Variants in ANO3 observed in about 807,000 individuals in gnomAD.
The protein encoded by ANO3 is anoctamin-3.
In ANO3, 99 loss-of-function variants were observed where a neutral mutation model predicts 144.8. The ratio of observed to expected loss-of-function variants is 0.68; its 90% CI spans 0.58 to 0.81. The LOEUF (loss-of-function observed/expected upper bound fraction) is 0.81. Among genes scored for constraint, ANO3 ranks in the 30% least tolerant of loss-of-function variants. The pLI is 0.00. For missense variants in ANO3, 905 were observed against 1,202.2 expected, an observed-to-expected ratio of 0.75 and a Z score of 3.66; for synonymous variants, 414 against 392.6, an observed-to-expected ratio of 1.05 and a Z score of -0.64.
intron 6 of ANO3, among the ~76,000 whole-genome samples, chr11:26,521,703 C>T (rs558617907): frequency 2.0e-5 from 3 of 152,068 alleles, no homozygotes; most frequent in Non-Finnish European, 4.4e-5. Context: ...ATTTTTCTTG[C>T]GATCCAAAGC....
intron 6 of ANO3, among the ~76,000 whole-genome samples, chr11:26,523,016 G>A (rs1862145847): frequency 6.6e-6 from 1 of 152,098 alleles, no homozygotes; most frequent in African/African-American, 2.4e-5. Flanking sequence ...TGGTTTAATT[G>A]ACTCACAATT....
At chr11:26,381,468 C>T (rs12791416) in intron 1 of ANO3, among the ~76,000 whole-genome samples, 17,411 of 152,148 alleles carry the variant, frequency 0.11, 1,205 homozygotes, top group Admixed American at 0.18. Flanking sequence ...ACTTTCTAAA[C>T]AGCATTTACA....
At chr11:26,385,328 G>T (rs2133955041) in intron 1 of ANO3, among the ~76,000 whole-genome samples, 1 of 152,242 alleles carries the variant, frequency 6.6e-6, no homozygotes, top group Middle Eastern at 3.4e-3. Context: ...GCTTTATATT[G>T]CTGCTACAAA....
chr11:26,275,485 T>C (rs982205676), intron 1 of ANO3, among the ~76,000 whole-genome samples: 2 of 152,130 alleles, frequency 1.3e-5, no homozygotes, highest in Admixed American at 6.6e-5. Context: ...CTGAAGCCCA[T>C]AGTTTATAAA....
intron 1 of ANO3, among the ~76,000 whole-genome samples, chr11:26,371,209 G>A (rs1049769696): frequency 1.3e-5 from 2 of 152,166 alleles, no homozygotes; most frequent in African/African-American, 4.8e-5. Flanking sequence ...GGGTAAAAGG[G>A]GCCAAGGTAC....
At position 26,413,307 on chromosome 11, in the gene ANO3, CT is replaced by C. The variant is rs913029018; in HGVS notation, c.47-28601del. Among the ~76,000 whole-genome samples the C allele has an allele frequency of 3.8e-3, 557 of 147,780 alleles. 4 individuals carry two copies. Among genetic ancestry groups the C allele is most frequent in the African/African-American group, 9.3e-3 (378 of 40,500 alleles). ...AGGTGCTTCACTAAAGACATTACTT[CT>C]TTTTTTTTTACTGCAGATAATAATT... is the stretch of plus-strand genomic sequence containing the variant. On this transcript the variant is annotated intron_variant, in intron 1 of 26. Coordinates refer to ENST00000256737, the MANE Select transcript of ANO3 (RefSeq NM_031418.4).
chr11:26,551,578 C>T (rs1206212465), intron 12 of ANO3, among the ~76,000 whole-genome samples: 1 of 151,938 alleles, frequency 6.6e-6, no homozygotes, highest in African/African-American at 2.4e-5. Flanking sequence ...TTCAATAAAT[C>T]TGAGCTTTTG....
At chr11:26,514,798 G>A (rs953834210) in intron 5 of ANO3, among the ~76,000 whole-genome samples, 2 of 152,044 alleles carry the variant, frequency 1.3e-5, no homozygotes, top group African/African-American at 2.4e-5. Context: ...CCTGGATGAA[G>A]GAGTCATTCA....
chr11:26,426,709 C>T (rs1390092353), intron 1 of ANO3, among the ~76,000 whole-genome samples: 1 of 152,134 alleles, frequency 6.6e-6, no homozygotes, highest in African/African-American at 2.4e-5. Flanking sequence ...ACTGCCACCA[C>T]ACATGTAGTA....
chr11:26,205,379 G>A (rs1170230800), intron 1 of ANO3, among the ~76,000 whole-genome samples: 1 of 152,152 alleles, frequency 6.6e-6, no homozygotes, highest in African/African-American at 2.4e-5. Context: ...TACAAATGTG[G>A]AAATTGATGC....
At chr11:26,518,749 A>T (rs1861954562) in intron 6 of ANO3, among the ~76,000 whole-genome samples, 1 of 151,914 alleles carries the variant, frequency 6.6e-6, no homozygotes, top group Non-Finnish European at 1.5e-5. Context: ...ATTTTGGGGG[A>T]ATATTAAATA....
At chr11:26,451,556 C>A (rs992656332) in intron 3 of ANO3, among the ~76,000 whole-genome samples, 1 of 152,202 alleles carries the variant, frequency 6.6e-6, no homozygotes, top group African/African-American at 2.4e-5. Flanking sequence ...ATTACTCAGG[C>A]TTGCTTAGGT....
intron 5 of ANO3, among the ~76,000 whole-genome samples, chr11:26,509,275 T>C (rs1300300374): frequency 6.6e-6 from 1 of 152,112 alleles, no homozygotes; most frequent in Non-Finnish European, 1.5e-5. Flanking sequence ...AGAAAATCAA[T>C]TAACTAACTA....
intron 17 of ANO3, among the ~76,000 whole-genome samples, chr11:26,611,448 T>C (rs959954783): frequency 2.0e-5 from 3 of 152,150 alleles, no homozygotes; most frequent in African/African-American, 7.2e-5. Flanking sequence ...TTTCTAGTTT[T>C]GTAATATTGT....
chr11:26,368,177 C>T (rs1338443295), intron 1 of ANO3, among the ~76,000 whole-genome samples: 4 of 152,158 alleles, frequency 2.6e-5, no homozygotes, highest in Non-Finnish European at 5.9e-5. Flanking sequence ...TTAAATTCCA[C>T]CTGAGTGAGC....
At chr11:26,405,986 A>G (rs1259512691) in intron 1 of ANO3, among the ~76,000 whole-genome samples, 1 of 151,850 alleles carries the variant, frequency 6.6e-6, no homozygotes. Flanking sequence ...TTAAGCCCTA[A>G]TGGCACAATC....
intron 3 of ANO3, among the ~76,000 whole-genome samples, chr11:26,456,346 A>G (rs539799325): frequency 1.2e-3 from 188 of 152,338 alleles, no homozygotes; most frequent in Non-Finnish European, 2.1e-3. Flanking sequence ...GCTAATATCC[A>G]GAATCTACAA....
intron 1 of ANO3, among the ~76,000 whole-genome samples, chr11:26,289,323 A>G (rs1242089374): frequency 2.0e-5 from 3 of 151,804 alleles, no homozygotes; most frequent in Admixed American, 2.0e-4. Context: ...ACTCAGTAAT[A>G]AAAATGGGAT....
intron 1 of ANO3, among the ~76,000 whole-genome samples, chr11:26,310,459 T>C (rs1276523102): frequency 6.6e-6 from 1 of 152,192 alleles, no homozygotes; most frequent in African/African-American, 2.4e-5. Flanking sequence ...TGCAGGAGAA[T>C]TTTTTCATAG....
Sources: gnomAD v4.1 joint callset for allele counts (sites outside exome capture counted in the v4.1 genomes callset) on GRCh38, gnomAD v4.1.1 for gene constraint, MANE v1.5 for transcripts, NCBI Gene and HGNC (gene_info 2026-07-23, HGNC 2026-07-21) for gene names.